Variants in PDE3B observed in about 807,000 individuals in gnomAD.
PDE3B encodes phosphodiesterase 3B.
In PDE3B, 66 loss-of-function variants were observed where a neutral mutation model predicts 116.8. The ratio of observed to expected loss-of-function variants is 0.56; its 90% CI spans 0.46 to 0.69. PDE3B has a LOEUF of 0.69. Ranked by LOEUF, PDE3B falls within the 30% of genes least tolerant of loss-of-function variation. The probability of loss-of-function intolerance (pLI) is 0.00; values close to 1 mark genes in which losing one functional copy is unlikely to be tolerated. For synonymous variants in PDE3B, 595 were observed against 533.6 expected, an observed-to-expected ratio of 1.12 and a Z score of -1.59; for missense variants, 1,384 against 1,368.1, an observed-to-expected ratio of 1.01 and a Z score of -0.18.
chr11:14,861,073 G>T (rs1847941027), intron 13 of PDE3B, 132 bp from the exon 14 acceptor site: 3 of 631,734 alleles, frequency 4.7e-6, no homozygotes, highest in African/African-American at 1.9e-5. Context: ...ATTTTAAAAA[G>T]AACTATTTGC....
At chr11:14,886,075 CCTT>C in the PDE3B span, 1 of 707,586 alleles carries the variant, frequency 1.4e-6, no homozygotes, top group Non-Finnish European at 2.4e-6. Context: ...AGAGTGCCCT[CCTT>C]CTATAAGGCA....
intron 9 of PDE3B, among the ~76,000 whole-genome samples, chr11:14,832,382 T>C (rs868607432): frequency 1.3e-5 from 2 of 152,236 alleles, no homozygotes; most frequent in Middle Eastern, 3.2e-3. Context: ...AACTTAGTAT[T>C]GTTTTGAATT....
chr11:14,729,136 A>G (rs556613955), intron 1 of PDE3B, among the ~76,000 whole-genome samples: 1 of 152,284 alleles, frequency 6.6e-6, no homozygotes, highest in South Asian at 2.1e-4. Context: ...TCCTGGAGAT[A>G]ATTTCCTTAG....
chr11:14,852,592 C>T (rs947300224), intron 12 of PDE3B, among the ~76,000 whole-genome samples: 4 of 152,114 alleles, frequency 2.6e-5, no homozygotes, highest in Admixed American at 6.5e-5. Flanking sequence ...TACGAATTGC[C>T]ATTAGATGAA....
chr11:14,735,940 T>A (rs947474896), intron 1 of PDE3B, among the ~76,000 whole-genome samples: 3 of 149,386 alleles, frequency 2.0e-5, no homozygotes, highest in African/African-American at 7.5e-5. Context: ...AAAATCTGGA[T>A]GTGCTGGGAA....
At chr11:14,717,561 C>T (rs1360521853) in intron 1 of PDE3B, among the ~76,000 whole-genome samples, 1 of 75,716 alleles carries the variant, frequency 1.3e-5, no homozygotes, top group Admixed American at 1.5e-4. Context: ...ATCAGACTAA[C>T]AGCGGATCTC....
chr11:14,790,927 T>C (rs556236896), intron 4 of PDE3B, among the ~76,000 whole-genome samples: 22 of 152,064 alleles, frequency 1.4e-4, no homozygotes, highest in Non-Finnish European at 2.9e-4. Flanking sequence ...TGCTGTCTAA[T>C]AGAAATTTTT....
intron 4 of PDE3B, among the ~76,000 whole-genome samples, chr11:14,800,598 T>G (rs576094895): frequency 6.6e-6 from 1 of 152,332 alleles, no homozygotes; most frequent in Admixed American, 6.5e-5. Flanking sequence ...ATTTTTTCCT[T>G]CATTTCAACT....
In PDE3B at chr11:14,764,710, A is replaced by G. The variant is rs114900895; in HGVS notation, c.979-7227A>G. On this transcript the variant is annotated intron_variant, in intron 1 of 15. Coordinates refer to ENST00000282096, the MANE Select transcript of PDE3B (RefSeq NM_000922.4). ...ATAAGGCTTACCACAGAGAATTCTA[A>G]TAAAGATGAAAAGGGACAGTGTATA... 4.6e-3 allele frequency among the ~76,000 whole-genome samples: 701 copies of G among 152,182 alleles called. 4 individuals carry two copies. Among genetic ancestry groups the G allele is most frequent in the African/African-American group, 0.015 (624 of 41,548 alleles).
At chr11:14,746,658 T>C (rs923970339) in intron 1 of PDE3B, among the ~76,000 whole-genome samples, 3 of 152,178 alleles carry the variant, frequency 2.0e-5, no homozygotes, top group African/African-American at 7.2e-5. Context: ...GTGTCATGTT[T>C]TGAGATATTT....
intron 12 of PDE3B, among the ~76,000 whole-genome samples, chr11:14,844,787 G>A (rs1464710499): frequency 1.3e-5 from 2 of 152,236 alleles, no homozygotes; most frequent in Non-Finnish European, 2.9e-5. Flanking sequence ...CTGGGGAAAG[G>A]GCGCCCGCCA....
At chr11:14,840,744 T>G (rs1860196007) in intron 11 of PDE3B, among the ~76,000 whole-genome samples, 1 of 152,172 alleles carries the variant, frequency 6.6e-6, no homozygotes, top group Admixed American at 6.5e-5. Context: ...GGTCAAGCGG[T>G]GAATCAGTTG....
At chr11:14,896,835 A>C in the PDE3B span, among the ~76,000 whole-genome samples, 1 of 152,258 alleles carries the variant, frequency 6.6e-6, no homozygotes, top group Non-Finnish European at 1.5e-5. Flanking sequence ...TTTGCAAATG[A>C]TTTTCATAAA....
At chr11:14,717,778 C>G (rs1187837086) in intron 1 of PDE3B, among the ~76,000 whole-genome samples, 1 of 137,422 alleles carries the variant, frequency 7.3e-6, no homozygotes, top group Non-Finnish European at 1.6e-5. Flanking sequence ...AAGCGCTAAA[C>G]ATGGAAAGGA....
the PDE3B span, among the ~76,000 whole-genome samples, chr11:14,888,870 A>C: frequency 6.6e-6 from 1 of 152,186 alleles, no homozygotes; most frequent in South Asian, 2.1e-4. Flanking sequence ...CCATTACCTG[A>C]AAATAATCGA....
the PDE3B span, among the ~76,000 whole-genome samples, chr11:14,884,794 A>G: frequency 1.3e-5 from 2 of 152,144 alleles, no homozygotes; most frequent in Admixed American, 1.3e-4. Flanking sequence ...TCTAAACAAT[A>G]AATTTACAGC....
intron 5 of PDE3B, among the ~76,000 whole-genome samples, chr11:14,815,006 G>A (rs995886615): frequency 3.3e-5 from 5 of 150,974 alleles, no homozygotes; most frequent in African/African-American, 1.2e-4. Context: ...GTGTAGTGGC[G>A]GGTGCCTGTA....
At chr11:14,655,642 C>T (rs537966028) in intron 1 of PDE3B, among the ~76,000 whole-genome samples, 6 of 152,152 alleles carry the variant, frequency 3.9e-5, no homozygotes, top group Admixed American at 3.9e-4. Context: ...GTGTTCCAGT[C>T]GAGCACCTCA....
chr11:14,716,174 AT>A (rs1160490067), intron 1 of PDE3B, among the ~76,000 whole-genome samples: 1 of 152,122 alleles, frequency 6.6e-6, no homozygotes, highest in Non-Finnish European at 1.5e-5. Context: ...CACCTGGAAA[AT>A]CGGGTCACTC....
Sources: allele counts gnomAD v4.1 joint callset (sites outside exome capture counted in the v4.1 genomes callset), GRCh38; gene constraint gnomAD v4.1.1; transcripts MANE v1.5; gene names NCBI Gene and HGNC (gene_info 2026-07-23, HGNC 2026-07-21).